Variants in TOX2 observed in about 807,000 individuals in gnomAD.
TOX2 encodes the protein TOX high mobility group box family member 2, also known as granulosa cell HMG box 1.
In TOX2, 15 loss-of-function variants were observed where a neutral mutation model predicts 47.4. The observed-to-expected ratio is 0.32, with a 90% CI of 0.21 to 0.49. TOX2 has a LOEUF of 0.49. Ranked by LOEUF, TOX2 falls within the 20% of genes least tolerant of loss-of-function variation. The probability of loss-of-function intolerance (pLI) is 0.99; values close to 1 mark genes in which losing one functional copy is unlikely to be tolerated. For synonymous variants in TOX2, 290 were observed against 296.6 expected, an observed-to-expected ratio of 0.98 and a Z score of 0.23; for missense variants, 622 against 673.1, an observed-to-expected ratio of 0.92 and a Z score of 0.84.
At chr20:43,958,251 A>G (rs1307738989) in intron 1 of TOX2, among the ~76,000 whole-genome samples, 1 of 151,698 alleles carries the variant, frequency 6.6e-6, no homozygotes, top group Non-Finnish European at 1.5e-5. Context: ...GGAATGTTTC[A>G]CTCTCTGGCC....
chr20:44,038,147 G>C (rs952259769), intron 3 of TOX2, among the ~76,000 whole-genome samples: 1 of 152,168 alleles, frequency 6.6e-6, no homozygotes, highest in Non-Finnish European at 1.5e-5. Context: ...TATAATCCCA[G>C]CACTCTGGGG....
Position 44,065,562 on chromosome 20 carries a change from C to T in TOX2, c.961-150C>T. 4 of 885,896 alleles carry T rather than the reference C, an allele frequency of 4.5e-6. No individual in the cohort carries two copies. The South Asian group carries it at 7.4e-5, about 16-fold the overall frequency. 54.9% of individuals were successfully genotyped at this position (885,896 alleles called of 1,614,324 possible). On this transcript the variant is annotated intron_variant, in intron 6 of 8. Transcript: ENST00000341197. ...TGGTCAGAGCCAAGGGGACTAAGGACCCTGTGCTATCTCTGGTTAGTCCAA... is the reference window on the plus strand; with the variant it reads ...TGGTCAGAGCCAAGGGGACTAAGGATCCTGTGCTATCTCTGGTTAGTCCAA...
intron 1 of TOX2, among the ~76,000 whole-genome samples, chr20:43,950,641 C>T (rs2069546186): frequency 6.6e-6 from 1 of 152,110 alleles, no homozygotes; most frequent in African/African-American, 2.4e-5. Flanking sequence ...CACCTCCTTC[C>T]AGTCTTGGCT....
At position 44,065,939 on chromosome 20, in the gene TOX2, C is replaced by T; in HGVS notation, c.1188C>T (p.Phe396=). The T allele has an allele frequency of 6.2e-7, 1 of 1,612,242 alleles. No homozygotes were observed. Among genetic ancestry groups the T allele is most frequent in the Non-Finnish European group, 8.5e-7 (1 of 1,179,066 alleles). The change falls in exon 7 of 9, where the codon TTC becomes TTT. Residue 396 remains phenylalanine (F), a synonymous_variant. Coordinates refer to ENST00000341197, the MANE Select transcript of TOX2 (RefSeq NM_001098797.2). ...LSASPPPPPS[F]PLSPTLHQQL... is the part of the protein sequence containing the mutation. ...CGTCCCCGCCGCCGCCACCCTCCTT[C>T]CCGCTCAGCCCCACACTGCACCAGC...
intron 3 of TOX2, among the ~76,000 whole-genome samples, chr20:44,043,103 A>G (rs1335802677): frequency 1.3e-5 from 2 of 152,144 alleles, no homozygotes; most frequent in Non-Finnish European, 2.9e-5. Flanking sequence ...ATCCGAGGGA[A>G]GATGTCACTC....
chr20:44,034,794 A>G (rs897260847), intron 3 of TOX2, among the ~76,000 whole-genome samples: 2 of 152,164 alleles, frequency 1.3e-5, no homozygotes, highest in Non-Finnish European at 2.9e-5. Flanking sequence ...GCTGGAAGAG[A>G]ATACCCCCAA....
chr20:44,038,976 C>T, intron 3 of TOX2: 1 of 1,190,712 alleles, frequency 8.4e-7, no homozygotes, highest in Non-Finnish European at 1.1e-6. Context: ...GGGGCGGGTG[C>T]AGATGTGGCT....
intron 3 of TOX2, among the ~76,000 whole-genome samples, chr20:44,022,338 A>G (rs1259907266): frequency 1.3e-5 from 2 of 152,102 alleles, no homozygotes; most frequent in Non-Finnish European, 2.9e-5. Flanking sequence ...TAGATGTATT[A>G]TTCATTCTTA....
intron 7 of TOX2, 41 bp downstream of exon 7, chr20:44,066,148 G>A: frequency 6.7e-7 from 1 of 1,488,664 alleles, no homozygotes; most frequent in Non-Finnish European, 8.9e-7. Flanking sequence ...GTGACCGTGT[G>A]GGGAGGGGAA....
intron 5 of TOX2, among the ~76,000 whole-genome samples, chr20:44,063,930 G>T (rs2071765731): frequency 6.6e-6 from 1 of 152,140 alleles, no homozygotes; most frequent in African/African-American, 2.4e-5. Flanking sequence ...AACATTGTAT[G>T]TTCTCATAAG....
At chr20:44,033,899 G>GAGAAGGAAA (rs1337386467) in intron 3 of TOX2, among the ~76,000 whole-genome samples, 11 of 152,174 alleles carry the variant, frequency 7.2e-5, no homozygotes, top group Non-Finnish European at 1.5e-4. Flanking sequence ...CAGAGTCTCT[G>GAGAAGGAAA]CTGCCTTCTC....
chr20:44,059,600 A>G (rs968524947), intron 5 of TOX2, among the ~76,000 whole-genome samples: 1 of 152,222 alleles, frequency 6.6e-6, no homozygotes, highest in Non-Finnish European at 1.5e-5. Flanking sequence ...CCTACAAGCT[A>G]GAAGGGATTG....
chr20:43,990,689 A>T (rs1297278956), intron 2 of TOX2, among the ~76,000 whole-genome samples: 1 of 152,144 alleles, frequency 6.6e-6, no homozygotes, highest in Non-Finnish European at 1.5e-5. Flanking sequence ...TGCCAAGCAG[A>T]GGCCGGGACC....
At chr20:44,031,900 TACCAGCAAC>T (rs532980375) in intron 3 of TOX2, among the ~76,000 whole-genome samples, 264 of 152,288 alleles carry the variant, frequency 1.7e-3, no homozygotes, top group African/African-American at 5.9e-3. Flanking sequence ...CTGGTCTAGA[TACCAGCAAC>T]ACATCAGTGA....
At chr20:44,045,470 G>A (rs138038587) in intron 3 of TOX2, among the ~76,000 whole-genome samples, 92 of 152,230 alleles carry the variant, frequency 6.0e-4, no homozygotes, top group Middle Eastern at 3.4e-3. Flanking sequence ...GAAGTCTTTT[G>A]CAGTTTTCCA....
At chr20:44,001,361 A>G (rs1276029065) in intron 2 of TOX2, among the ~76,000 whole-genome samples, 1 of 152,220 alleles carries the variant, frequency 6.6e-6, no homozygotes, top group African/African-American at 2.4e-5. Flanking sequence ...GAGAAGGTAC[A>G]TGGACATGCT....
chr20:44,050,413 CA>C (rs1569134868), intron 3 of TOX2, among the ~76,000 whole-genome samples: 1 of 152,090 alleles, frequency 6.6e-6, no homozygotes, highest in Non-Finnish European at 1.5e-5. Flanking sequence ...GGGAGAAAAA[CA>C]GATACTTGAT....
In TOX2 at chr20:44,068,785, C is replaced by T; in HGVS notation, c.*99C>T. On this transcript the variant is annotated 3_prime_UTR_variant, in exon 9 of 9. Coordinates refer to ENST00000341197, the MANE Select transcript of TOX2 (RefSeq NM_001098797.2). ...AGGCCCTGGCCAGAGGCAGGGTGGC[C>T]CATCGGAGAGAGCAGTGACACACCC... is the stretch of plus-strand genomic sequence containing the variant. 1 of 1,521,136 alleles carries T rather than the reference C, an allele frequency of 6.6e-7. No individual in the cohort carries two copies. The highest frequency in any genetic ancestry group is 9.0e-7 in the Non-Finnish European group (1 of 1,109,766). 94.2% of individuals were successfully genotyped at this position (1,521,136 alleles called of 1,614,324 possible).
intron 2 of TOX2, among the ~76,000 whole-genome samples, chr20:44,002,280 T>A (rs2070597262): frequency 6.6e-6 from 1 of 152,184 alleles, no homozygotes; most frequent in African/African-American, 2.4e-5. Flanking sequence ...CCTGCAACCA[T>A]TTTGACTCTA....
Sources: gnomAD v4.1 joint callset for allele counts (sites outside exome capture counted in the v4.1 genomes callset) on GRCh38, gnomAD v4.1.1 for gene constraint, MANE v1.5 for transcripts, NCBI Gene and HGNC (gene_info 2026-07-23, HGNC 2026-07-21) for gene names.